TPR: variants seen among roughly 807,000 people sequenced by gnomAD.
TPR encodes nucleoprotein TPR.
TPR carries 51 observed loss-of-function variants against 316.1 expected under a neutral mutation model. The ratio of observed to expected loss-of-function variants is 0.16; its 90% confidence interval spans 0.13 to 0.20. The LOEUF is 0.20. TPR is among the 10% of genes least tolerant of loss of function. The pLI is 1.00. For missense variants in TPR, 2,272 were observed against 2,754.8 expected, an observed-to-expected ratio of 0.82 and a Z score of 3.92; for synonymous variants, 981 against 914.7, an observed-to-expected ratio of 1.07 and a Z score of -1.31.
intron 33 of TPR, among the ~76,000 whole-genome samples, chr1:186,335,916 A>G (rs954386488): frequency 6.6e-6 from 1 of 152,130 alleles, no homozygotes; most frequent in Admixed American, 6.6e-5. Flanking sequence ...AACTTTTAAA[A>G]TCAAGTAAGT....
chr1:186,342,138 A>T (rs973490179), intron 27 of TPR: 3 of 152,090 alleles, frequency 2.0e-5, no homozygotes, highest in Admixed American at 6.6e-5. Flanking sequence ...ATGCCCAGCT[A>T]ATTTTTTTGT....
At chr1:186,365,099 G>C (rs1453578494) in intron 4 of TPR, among the ~76,000 whole-genome samples, 1 of 69,596 alleles carries the variant, frequency 1.4e-5, no homozygotes, top group South Asian at 3.9e-4. Context: ...TAAAGGGGCT[G>C]CCCTTTTTTT....
At chr1:186,348,897 G>C (rs1658762706) in intron 21 of TPR, among the ~76,000 whole-genome samples, 3 of 152,024 alleles carry the variant, frequency 2.0e-5, no homozygotes, top group Admixed American at 1.3e-4. Context: ...TTTATCACAT[G>C]ATATCAATAG....
chr1:186,345,614 T>C lies in TPR; in HGVS notation c.3179A>G (p.Asn1060Ser). ...ALQRASTALS[N>S]EQQARRDCQE... ...ACAGTCACGTCTGGCTTGCTGCTCA[T>C]TACTTAAAGCTGTGCTTGCTCTCTG... The change falls in exon 24 of 51, where the codon AAT (asparagine) becomes AGT (serine). Residue 1060 changes from asparagine to serine, a missense_variant. By Grantham distance (46) the Asn-to-Ser change is conservative (BLOSUM62 1). Coordinates refer to ENST00000367478, the MANE Select transcript of TPR (RefSeq NM_003292.3). 1 of 1,613,628 alleles carries C rather than the reference T, an allele frequency of 6.2e-7. No individual in the cohort carries two copies. Among genetic ancestry groups the C allele is most frequent in the Non-Finnish European group, 8.5e-7 (1 of 1,179,760 alleles).
At position 186,326,051 on chromosome 1, in the gene TPR, T is replaced by C. The variant is rs888026066; in HGVS notation, c.6021+53A>G. On this transcript the variant is annotated intron_variant, in intron 41 of 50. Coordinates refer to ENST00000367478, the MANE Select transcript of TPR (RefSeq NM_003292.3). ...TTCTATATCCTTGGAAAACAGCAAG[T>C]GAAAGAAAGCTCATAGAAAGAACTA... 20 of 1,607,130 alleles carry C rather than the reference T, an allele frequency of 1.2e-5. No individual in the cohort carries two copies. The African/African-American group carries it at 2.5e-4, about 20-fold the overall frequency.
rs200318781 is a variant in TPR, at chr1:186,317,434, C to G, written c.6940+48G>C. The G allele has an allele frequency of 6.5e-4, 923 of 1,419,820 alleles. 6 individuals carry two copies. Among genetic ancestry groups the G allele is most frequent in the Non-Finnish European group, 4.1e-5 (41 of 1,003,560 alleles). 88.0% of individuals were successfully genotyped at this position (1,419,820 alleles called of 1,614,324 possible). The stretch of plus-strand genomic sequence containing the variant: ...ACTAATAAAGCAGTGTTTTCACAAA[C>G]AAGTTTGATGTATAAAAACTGTATT... On this transcript the variant is annotated intron_variant, in intron 49 of 50. Coordinates refer to ENST00000367478, the MANE Select transcript of TPR (RefSeq NM_003292.3).
chr1:186,318,454 A>T lies in TPR; in HGVS notation c.6814T>A (p.Ser2272Thr), dbSNP rs1380513244. 1.9e-6 allele frequency: 3 copies of T among 1,610,626 alleles called. No homozygotes were observed. Among genetic ancestry groups the T allele is most frequent in the Non-Finnish European group, 2.5e-6 (3 of 1,179,088 alleles). The change falls in exon 48 of 51, where the codon TCT becomes ACT. Residue 2272 changes from serine (S) to threonine (T), a missense_variant. By Grantham distance (58) the Ser-to-Thr change is moderately conservative. Coordinates refer to ENST00000367478, the MANE Select transcript of TPR (RefSeq NM_003292.3). ...DGDEVFVEAE[S>T]EGISSEAGLE... ...AACAAAATAAACTTTTACCCTTCAG[A>T]TTCTGCCTCCACAAATACTTCATCT...
At chr1:186,345,766 G>T in intron 23 of TPR, 70 bp from the exon 24 acceptor site, 1 of 1,099,840 alleles carries the variant, frequency 9.1e-7, no homozygotes, top group South Asian at 1.5e-5. Context: ...GTATTGTAGT[G>T]TTACTAAATT....
chr1:186,360,974 G>C lies in TPR; in HGVS notation c.959-69C>G, dbSNP rs187881406. 2.4e-3 allele frequency: 3,567 copies of C among 1,484,158 alleles called. 127 individuals carry two copies. The Admixed American group carries it at 0.065, about 27-fold the overall frequency. 91.9% of individuals were successfully genotyped at this position (1,484,158 alleles called of 1,614,324 possible). On this transcript the variant is annotated intron_variant, in intron 9 of 50. Transcript: ENST00000367478. ...AAATTTTAGTTTACAAAATGCAACA[G>C]ATCAGTCACTTCTCCCCTCAGCAGA...
chr1:186,368,351 C>G (rs1003439806), intron 3 of TPR, among the ~76,000 whole-genome samples: 1 of 152,118 alleles, frequency 6.6e-6, no homozygotes, highest in Non-Finnish European at 1.5e-5. Flanking sequence ...GTGGCTCATG[C>G]CTGTAATCAC....
chr1:186,369,411 T>C (rs572890577), intron 3 of TPR, among the ~76,000 whole-genome samples: 2 of 152,170 alleles, frequency 1.3e-5, no homozygotes, highest in Admixed American at 6.5e-5. Context: ...ATTATTTGCA[T>C]CTTCAATTTC....
intron 21 of TPR, 88 bp downstream of exon 21, chr1:186,350,135 G>A: frequency 8.2e-7 from 1 of 1,220,120 alleles, no homozygotes; most frequent in Non-Finnish European, 1.1e-6. Context: ...CATTCACAAA[G>A]AATTAGGCTA....
chr1:186,339,960 T>C (rs1658463589), intron 29 of TPR, among the ~76,000 whole-genome samples, 188 bp from the exon 30 acceptor site: 1 of 151,894 alleles, frequency 6.6e-6, no homozygotes, highest in Non-Finnish European at 1.5e-5. Context: ...CTACCCACAA[T>C]ACAAGAGGAA....
intron 29 of TPR, among the ~76,000 whole-genome samples, chr1:186,340,720 C>T (rs1382725892): frequency 6.6e-6 from 1 of 151,936 alleles, no homozygotes; most frequent in Admixed American, 6.6e-5. Flanking sequence ...CATGAGCCAC[C>T]GTGTCTGGCC....
In TPR at chr1:186,362,989, GT is replaced by G; in HGVS notation, c.543del (p.Lys181AsnfsTer17). The G allele has an allele frequency of 1.2e-6, 2 of 1,600,202 alleles. No homozygotes were observed. Among genetic ancestry groups the G allele is most frequent in the South Asian group, 1.1e-5 (1 of 88,728 alleles). ...ASDVSVKYRE[K>X]RLEQEKELLH... Reference sequence around the variant, plus strand: ...AGCAATTCCTTTTCTTGCTCCAAGCGTTTTTCTCGATACTAAAGAAATCCAA... The same window carrying G: ...AGCAATTCCTTTTCTTGCTCCAAGCGTTTTCTCGATACTAAAGAAATCCAA... On this transcript the variant is annotated frameshift_variant, in exon 6 of 51. Coordinates refer to ENST00000367478, the MANE Select transcript of TPR (RefSeq NM_003292.3). LOFTEE classifies it high-confidence loss of function.
intron 3 of TPR, 146 bp from the exon 4 acceptor site, chr1:186,368,128 C>T (rs1331156160): frequency 2.4e-5 from 13 of 551,048 alleles, no homozygotes; most frequent in Admixed American, 3.2e-5. Context: ...AAAAAATACC[C>T]GTAATTCCAA....
chr1:186,359,036 T>G (rs1461799707), intron 12 of TPR, among the ~76,000 whole-genome samples: 1 of 152,142 alleles, frequency 6.6e-6, no homozygotes, highest in African/African-American at 2.4e-5. Context: ...TTAAACTGAC[T>G]TCTAAATTAT....
In TPR at chr1:186,312,294, G is replaced by T. The variant is rs772720067; in HGVS notation, c.*1677C>A. The T allele has an allele frequency of 6.2e-6, 10 of 1,613,804 alleles. No individual in the cohort carries two copies. In the South Asian group the frequency reaches 1.1e-4, roughly 18 times the overall value. On this transcript the variant is annotated 3_prime_UTR_variant, in exon 51 of 51. Coordinates refer to ENST00000367478, the MANE Select transcript of TPR (RefSeq NM_003292.3). ...GACACAGGTTAGGAGACGTCGCTTT[G>T]AACGTGCTATAGGACCTTCTCAAAC...
chr1:186,331,879 T>A (rs1658179265), intron 38 of TPR, among the ~76,000 whole-genome samples: 1 of 152,086 alleles, frequency 6.6e-6, no homozygotes, highest in South Asian at 2.1e-4. Flanking sequence ...TTTTGGCTAA[T>A]CTTAGAAAAA....
Sources: gnomAD v4.1 joint callset for allele counts (sites outside exome capture counted in the v4.1 genomes callset) on GRCh38, gnomAD v4.1.1 for gene constraint, MANE v1.5 for transcripts, NCBI Gene and HGNC (gene_info 2026-07-23, HGNC 2026-07-21) for gene names.